HS6ST3: variants seen among roughly 807,000 people sequenced by gnomAD.
HS6ST3 encodes the protein heparan-sulfate 6-O-sulfotransferase 3.
A neutral mutation model predicts 36.7 loss-of-function variants in HS6ST3; 12 were observed. That is an observed-to-expected ratio of 0.33 (90% CI 0.21 to 0.53). The LOEUF (loss-of-function observed/expected upper bound fraction) is 0.53. HS6ST3 is among the 20% of genes least tolerant of loss of function. The pLI is 0.95. For missense variants in HS6ST3, 584 were observed against 640.9 expected, an observed-to-expected ratio of 0.91 and a Z score of 0.96; for synonymous variants, 240 against 257.5, an observed-to-expected ratio of 0.93 and a Z score of 0.65.
At chr13:96,779,927 G>A (rs960599828) in intron 1 of HS6ST3, among the ~76,000 whole-genome samples, 9 of 152,160 alleles carry the variant, frequency 5.9e-5, no homozygotes, top group Non-Finnish European at 1.2e-4. Context: ...TGCTGTTAGT[G>A]GAATGTATTG....
intron 1 of HS6ST3, among the ~76,000 whole-genome samples, chr13:96,314,013 C>A (rs2054955461): frequency 6.6e-6 from 1 of 152,106 alleles, no homozygotes; most frequent in African/African-American, 2.4e-5. Flanking sequence ...CCAGCCTGGG[C>A]AACATGACAA....
chr13:96,318,793 C>T (rs1235403686), intron 1 of HS6ST3, among the ~76,000 whole-genome samples: 3 of 152,072 alleles, frequency 2.0e-5, no homozygotes, highest in Non-Finnish European at 4.4e-5. Flanking sequence ...TTTACTATAA[C>T]CTTATAGTAT....
chr13:96,785,429 G>C lies in HS6ST3; in HGVS notation c.708-47061G>C, dbSNP rs116819440. Among the ~76,000 whole-genome samples the C allele has an allele frequency of 1.2e-3, 182 of 152,230 alleles. 1 individual carries two copies. The highest frequency in any genetic ancestry group is 4.2e-3 in the African/African-American group (176 of 41,538). On this transcript the variant is annotated intron_variant, in intron 1 of 1. Transcript: ENST00000376705. ...TCACACTTTAGAGTGCTACAAAACT[G>C]AACTATGTGAAATTGGTTCAACCTG...
At chr13:96,712,643 A>G (rs1875590293) in intron 1 of HS6ST3, among the ~76,000 whole-genome samples, 1 of 152,212 alleles carries the variant, frequency 6.6e-6, no homozygotes, top group South Asian at 2.1e-4. Context: ...AAATCGATCA[A>G]GGTGACTCAA....
chr13:96,786,205 G>A lies in HS6ST3; in HGVS notation c.708-46285G>A, dbSNP rs530752564. 1.1e-3 allele frequency among the ~76,000 whole-genome samples: 165 copies of A among 152,068 alleles called. 1 individual carries two copies. The highest frequency in any genetic ancestry group is 3.6e-3 in the African/African-American group (149 of 41,484). On this transcript the variant is annotated intron_variant, in intron 1 of 1. Transcript: ENST00000376705. ...GAACACTCTTTCGCCAGCCCTTTGC[G>A]TGAATGGTTCATTGTCATCCTTCAG...
chr13:96,664,452 C>G (rs989699811), intron 1 of HS6ST3, among the ~76,000 whole-genome samples: 3 of 152,080 alleles, frequency 2.0e-5, no homozygotes. Flanking sequence ...ACTATCCAAG[C>G]CAATATAGAT....
chr13:96,640,024 A>T (rs1243293194), intron 1 of HS6ST3, among the ~76,000 whole-genome samples: 1 of 151,966 alleles, frequency 6.6e-6, no homozygotes, highest in African/African-American at 2.4e-5. Context: ...CAGTGAGCAT[A>T]TACATGCATG....
intron 1 of HS6ST3, among the ~76,000 whole-genome samples, chr13:96,698,220 G>A (rs940514409): frequency 1.3e-5 from 2 of 151,804 alleles, no homozygotes; most frequent in Non-Finnish European, 1.5e-5. Context: ...AACAGGCCCC[G>A]GTGTGTGATG....
intron 1 of HS6ST3, among the ~76,000 whole-genome samples, chr13:96,230,987 A>T (rs2054505464): frequency 6.6e-6 from 1 of 152,100 alleles, no homozygotes; most frequent in South Asian, 2.1e-4. Context: ...GGCGGCTCCC[A>T]CCTGGATCTA....
At chr13:96,782,203 C>T (rs1451677302) in intron 1 of HS6ST3, among the ~76,000 whole-genome samples, 1 of 152,168 alleles carries the variant, frequency 6.6e-6, no homozygotes, top group African/African-American at 2.4e-5. Flanking sequence ...CCCATTTCCT[C>T]TGTTTATATA....
chr13:96,605,203 A>G (rs921249593), intron 1 of HS6ST3, among the ~76,000 whole-genome samples: 1 of 152,136 alleles, frequency 6.6e-6, no homozygotes, highest in Non-Finnish European at 1.5e-5. Context: ...GAGATATATT[A>G]TTCCCTTTAA....
intron 1 of HS6ST3, among the ~76,000 whole-genome samples, chr13:96,194,560 A>G (rs558608771): frequency 2.0e-5 from 3 of 152,150 alleles, no homozygotes; most frequent in Non-Finnish European, 4.4e-5. Context: ...GGTGATTATC[A>G]TCATCAAACT....
At chr13:96,173,133 A>G (rs1343201255) in intron 1 of HS6ST3, among the ~76,000 whole-genome samples, 1 of 152,208 alleles carries the variant, frequency 6.6e-6, no homozygotes, top group East Asian at 1.9e-4. Flanking sequence ...TGATAGATAT[A>G]TGTGCTGTGA....
chr13:96,317,348 A>T (rs1350873988), intron 1 of HS6ST3, among the ~76,000 whole-genome samples: 3 of 30,462 alleles, frequency 9.8e-5, no homozygotes, highest in South Asian at 1.3e-3. Context: ...ATATATATAT[A>T]TATATATATA....
chr13:96,400,553 G>A (rs1386317369), intron 1 of HS6ST3, among the ~76,000 whole-genome samples: 1 of 152,172 alleles, frequency 6.6e-6, no homozygotes, highest in Non-Finnish European at 1.5e-5. Flanking sequence ...TATCACTGTT[G>A]ATGGGCACTG....
intron 1 of HS6ST3, among the ~76,000 whole-genome samples, chr13:96,401,526 A>T (rs2055451067): frequency 6.6e-6 from 1 of 152,166 alleles, no homozygotes; most frequent in African/African-American, 2.4e-5. Flanking sequence ...TTTATTTGTT[A>T]CAATTGTCAC....
intron 1 of HS6ST3, among the ~76,000 whole-genome samples, chr13:96,726,857 C>A (rs1876017841): frequency 6.6e-6 from 1 of 151,940 alleles, no homozygotes; most frequent in Non-Finnish European, 1.5e-5. Flanking sequence ...CTTCTCTTTT[C>A]CCTCTGTATG....
At chr13:96,517,107 A>C (rs1337850784) in intron 1 of HS6ST3, among the ~76,000 whole-genome samples, 1 of 152,154 alleles carries the variant, frequency 6.6e-6, no homozygotes, top group African/African-American at 2.4e-5. Context: ...GGCCAGGCGC[A>C]GTGGCTCATG....
intron 1 of HS6ST3, among the ~76,000 whole-genome samples, chr13:96,360,569 C>G (rs1323972585): frequency 3.3e-5 from 5 of 149,880 alleles, no homozygotes; most frequent in African/African-American, 1.2e-4. Context: ...CTATTGATAC[C>G]AAGGTAGAAA....
Sources: gnomAD v4.1 joint callset for allele counts (sites outside exome capture counted in the v4.1 genomes callset) on GRCh38, gnomAD v4.1.1 for gene constraint, MANE v1.5 for transcripts, NCBI Gene and HGNC (gene_info 2026-07-23, HGNC 2026-07-21) for gene names.